Variants in MECOM observed in about 807,000 individuals in gnomAD.
MECOM encodes the protein MDS1 and EVI1 complex locus, also known as histone-lysine N-methyltransferase MECOM.
MECOM carries 13 observed loss-of-function variants against 116.3 expected under a neutral mutation model. That is an observed-to-expected ratio of 0.11 (90% CI 0.07 to 0.18). The LOEUF is 0.18. MECOM is among the 10% of genes least tolerant of loss of function. The pLI is 1.00. For missense variants in MECOM, 1,299 were observed against 1,509.0 expected, an observed-to-expected ratio of 0.86 and a Z score of 2.31; for synonymous variants, 528 against 535.2, an observed-to-expected ratio of 0.99 and a Z score of 0.19.
intron 2 of MECOM, among the ~76,000 whole-genome samples, chr3:169,185,854 T>C (rs938510965): frequency 3.3e-5 from 5 of 152,216 alleles, no homozygotes; most frequent in African/African-American, 4.8e-5. Flanking sequence ...CTCATTCTTC[T>C]CTCTGCCCTC....
At chr3:169,101,714 T>C (rs1004886837) in intron 11 of MECOM, among the ~76,000 whole-genome samples, 1 of 152,166 alleles carries the variant, frequency 6.6e-6, no homozygotes, top group African/African-American at 2.4e-5. Context: ...GCCATGACAA[T>C]TAATAAATAT....
At chr3:169,313,473 G>A (rs1463966902) in intron 2 of MECOM, among the ~76,000 whole-genome samples, 1 of 152,206 alleles carries the variant, frequency 6.6e-6, no homozygotes, top group Non-Finnish European at 1.5e-5. Context: ...GGGCAGAATA[G>A]CTGAAGGATG....
chr3:169,255,534 A>G (rs1450571837), intron 2 of MECOM, among the ~76,000 whole-genome samples: 1 of 152,132 alleles, frequency 6.6e-6, no homozygotes, highest in Non-Finnish European at 1.5e-5. Flanking sequence ...CTTCCAAAGT[A>G]AATAAGTTAA....
chr3:169,360,689 A>C (rs1221496821), intron 2 of MECOM, among the ~76,000 whole-genome samples: 2 of 151,614 alleles, frequency 1.3e-5, no homozygotes, highest in African/African-American at 4.8e-5. Context: ...CCAGGGGGGA[A>C]AAAAAAGCAA....
At chr3:169,353,043 G>A (rs1212087452) in intron 2 of MECOM, among the ~76,000 whole-genome samples, 3 of 151,822 alleles carry the variant, frequency 2.0e-5, no homozygotes, top group Non-Finnish European at 4.4e-5. Flanking sequence ...ATCCCACGAG[G>A]CTACAATTTA....
At chr3:169,415,596 A>AAG (rs1738429844) in intron 1 of MECOM, among the ~76,000 whole-genome samples, 1 of 152,180 alleles carries the variant, frequency 6.6e-6, no homozygotes, top group Non-Finnish European at 1.5e-5. Flanking sequence ...AAATTGGATC[A>AAG]AGAGTCAAGA....
chr3:169,088,973 G>A, intron 16 of MECOM, 27 bp downstream of exon 16: 1 of 1,470,360 alleles, frequency 6.8e-7, no homozygotes, highest in Non-Finnish European at 9.0e-7. Flanking sequence ...ATGTAACCAT[G>A]ATGCTGTACT....
intron 1 of MECOM, among the ~76,000 whole-genome samples, chr3:169,629,463 C>T (rs970419728): frequency 3.3e-5 from 5 of 152,086 alleles, no homozygotes; most frequent in Non-Finnish European, 7.3e-5. Flanking sequence ...ACCCCAGCCC[C>T]ATGTGCCCAC....
intron 1 of MECOM, among the ~76,000 whole-genome samples, chr3:169,644,413 C>G (rs7653098): frequency 3.2e-4 from 48 of 151,904 alleles, no homozygotes; most frequent in Non-Finnish European, 3.7e-4. Flanking sequence ...CATGACACCA[C>G]GCCTGGCTAA....
chr3:169,384,100 A>G (rs963219287), intron 1 of MECOM, among the ~76,000 whole-genome samples: 1 of 152,194 alleles, frequency 6.6e-6, no homozygotes, highest in African/African-American at 2.4e-5. Context: ...CCAAGTAGGA[A>G]ATAGGTCCCT....
At chr3:169,519,006 T>C (rs935824033) in intron 1 of MECOM, among the ~76,000 whole-genome samples, 3 of 152,332 alleles carry the variant, frequency 2.0e-5, no homozygotes, top group East Asian at 3.9e-4. Context: ...GTCTCAGATA[T>C]GTCTTTACCA....
chr3:169,244,371 G>C (rs897402124), intron 2 of MECOM, among the ~76,000 whole-genome samples: 1 of 152,174 alleles, frequency 6.6e-6, no homozygotes, highest in Non-Finnish European at 1.5e-5. Flanking sequence ...GGGAGCCGGA[G>C]CTACAGTTGG....
chr3:169,590,059 C>T (rs1188492223), intron 1 of MECOM, among the ~76,000 whole-genome samples: 1 of 152,162 alleles, frequency 6.6e-6, no homozygotes, highest in Non-Finnish European at 1.5e-5. Context: ...CATTTTGTTC[C>T]ACATCTGGAC....
intron 1 of MECOM, among the ~76,000 whole-genome samples, chr3:169,500,868 T>C (rs1754439998): frequency 6.6e-6 from 1 of 151,924 alleles, no homozygotes; most frequent in African/African-American, 2.4e-5. Flanking sequence ...CTTAATCTCT[T>C]CCACTGATAC....
chr3:169,309,007 C>T (rs1051189180), intron 2 of MECOM, among the ~76,000 whole-genome samples: 1 of 152,190 alleles, frequency 6.6e-6, no homozygotes, highest in South Asian at 2.1e-4. Flanking sequence ...TCACAGGGTA[C>T]AGGTGACTAT....
chr3:169,462,419 A>T (rs1343894357), intron 1 of MECOM, among the ~76,000 whole-genome samples: 1 of 152,208 alleles, frequency 6.6e-6, no homozygotes, highest in Non-Finnish European at 1.5e-5. Context: ...AAAAAAGAAG[A>T]CAACAATGTT....
At chr3:169,587,073 C>T (rs779043103) in intron 1 of MECOM, among the ~76,000 whole-genome samples, 28 of 152,182 alleles carry the variant, frequency 1.8e-4, no homozygotes, top group Middle Eastern at 6.8e-3. Flanking sequence ...TTTCCAGATG[C>T]GGGAACTTGG....
intron 2 of MECOM, among the ~76,000 whole-genome samples, chr3:169,202,410 G>C (rs997725847): frequency 6.6e-5 from 10 of 152,046 alleles, no homozygotes; most frequent in Admixed American, 2.6e-4. Flanking sequence ...CAGTATTCTT[G>C]AGTCATTAGT....
chr3:169,167,107 C>T (rs890432810), intron 2 of MECOM, among the ~76,000 whole-genome samples: 11 of 152,038 alleles, frequency 7.2e-5, no homozygotes, highest in African/African-American at 1.4e-4. Context: ...CCCAAGTAGC[C>T]GAAACCACAG....
Sources: gnomAD v4.1 joint callset for allele counts (sites outside exome capture counted in the v4.1 genomes callset) on GRCh38, gnomAD v4.1.1 for gene constraint, MANE v1.5 for transcripts, NCBI Gene and HGNC (gene_info 2026-07-23, HGNC 2026-07-21) for gene names.